Variants in SLC39A12 observed in about 807,000 individuals in gnomAD.
The protein encoded by SLC39A12 is zinc transporter ZIP12.
A neutral mutation model predicts 71.1 loss-of-function variants in SLC39A12; 63 were observed. The observed-to-expected ratio is 0.89, with a 90% CI of 0.72 to 1.09. SLC39A12 has a LOEUF of 1.09. Among genes scored for constraint, SLC39A12 ranks in the 50% least tolerant of loss-of-function variants. The pLI, the probability that SLC39A12 is intolerant of heterozygous loss-of-function variation, is 0.00. For missense variants in SLC39A12, 892 were observed against 812.6 expected (o/e 1.10, Z -1.19); for synonymous variants, 351 against 301.3 (o/e 1.16, Z -1.71).
intron 12 of SLC39A12, among the ~76,000 whole-genome samples, chr10:18,029,358 AG>A (rs1283777650): frequency 1.3e-5 from 2 of 152,218 alleles, no homozygotes; most frequent in Non-Finnish European, 2.9e-5. Flanking sequence ...ACTTGAAAAA[AG>A]AACTCAACAA....
At chr10:18,030,694 G>T (rs1483919903) in intron 12 of SLC39A12, among the ~76,000 whole-genome samples, 3 of 150,260 alleles carry the variant, frequency 2.0e-5, no homozygotes, top group African/African-American at 4.9e-5. Context: ...ACATTGTGCA[G>T]GTTAGTTACA....
intron 12 of SLC39A12, among the ~76,000 whole-genome samples, chr10:18,042,221 A>G (rs1182325693): frequency 2.0e-5 from 3 of 152,110 alleles, no homozygotes; most frequent in Non-Finnish European, 2.9e-5. Context: ...TCACGCCTAT[A>G]AGCCCCAGCA....
At chr10:18,010,027 A>G (rs1411701235) in intron 12 of SLC39A12, among the ~76,000 whole-genome samples, 1 of 152,200 alleles carries the variant, frequency 6.6e-6, no homozygotes, top group Non-Finnish European at 1.5e-5. Flanking sequence ...TCATATAACT[A>G]TAAAATTAAA....
chr10:18,035,881 C>T (rs1455541772), intron 12 of SLC39A12, among the ~76,000 whole-genome samples: 6 of 152,208 alleles, frequency 3.9e-5, no homozygotes, highest in Non-Finnish European at 8.8e-5. Context: ...GGACCCTCAG[C>T]TGCAGGTCTG....
chr10:17,952,879 A>G (rs1351574052), intron 1 of SLC39A12, among the ~76,000 whole-genome samples: 1 of 152,168 alleles, frequency 6.6e-6, no homozygotes, highest in Non-Finnish European at 1.5e-5. Context: ...GTTCTTTATA[A>G]TGGGATAAAC....
intron 4 of SLC39A12, among the ~76,000 whole-genome samples, chr10:17,976,958 A>T (rs1283334361): frequency 2.0e-5 from 3 of 152,082 alleles, no homozygotes; most frequent in Non-Finnish European, 4.4e-5. Context: ...CTCTTGTTAC[A>T]AGTCTGTGAA....
At chr10:17,971,527 G>A (rs1423355293) in intron 4 of SLC39A12, among the ~76,000 whole-genome samples, 2 of 151,828 alleles carry the variant, frequency 1.3e-5, no homozygotes, top group Non-Finnish European at 1.5e-5. Context: ...TTATTGGACT[G>A]TTCAGTTTTT....
chr10:18,011,757 C>T (rs541532979), intron 12 of SLC39A12, among the ~76,000 whole-genome samples: 5 of 152,278 alleles, frequency 3.3e-5, no homozygotes, highest in South Asian at 4.2e-4. Context: ...CTCCTAATTG[C>T]GTGTGACAGT....
At chr10:17,959,426 A>G (rs11011709) in intron 2 of SLC39A12, among the ~76,000 whole-genome samples, 22,035 of 152,106 alleles carry the variant, frequency 0.14, 2,032 homozygotes, top group Middle Eastern at 0.2. Context: ...TTGGAGATGG[A>G]TGACATTTGT....
chr10:17,992,865 G>A lies in SLC39A12; in HGVS notation c.1423-316G>A, dbSNP rs75849625. Among the ~76,000 whole-genome samples the A allele has an allele frequency of 3.0e-3, 450 of 152,296 alleles. 2 individuals carry two copies. The highest frequency in any genetic ancestry group is 0.01 in the African/African-American group (420 of 41,580). On this transcript the variant is annotated intron_variant, in intron 8 of 12. Transcript: ENST00000377369. ...ATACATTTCCAGAGACATTGTTTTA[G>A]TAGTCACAGGGTACAATACAGTTTT...
At chr10:18,017,426 A>G (rs1375275159) in intron 12 of SLC39A12, among the ~76,000 whole-genome samples, 3 of 152,172 alleles carry the variant, frequency 2.0e-5, no homozygotes, top group African/African-American at 7.2e-5. Flanking sequence ...CTCCTGCCTC[A>G]GCCTCCTGAG....
chr10:18,006,451 A>C (rs530509411), intron 12 of SLC39A12, among the ~76,000 whole-genome samples: 1 of 152,346 alleles, frequency 6.6e-6, no homozygotes, highest in South Asian at 2.1e-4. Context: ...TGTTATGAAG[A>C]TCAGTGTCCT....
chr10:18,017,073 G>A (rs1453958309), intron 12 of SLC39A12, among the ~76,000 whole-genome samples: 1 of 151,886 alleles, frequency 6.6e-6, no homozygotes, highest in African/African-American at 2.4e-5. Context: ...CTATGCTCCT[G>A]GATTGCAATC....
intron 7 of SLC39A12, among the ~76,000 whole-genome samples, chr10:17,989,886 G>C (rs1008479511): frequency 1.3e-5 from 2 of 151,970 alleles, no homozygotes; most frequent in African/African-American, 4.8e-5. Context: ...CCACTGCCCT[G>C]GGCAACAGAA....
intron 1 of SLC39A12, among the ~76,000 whole-genome samples, chr10:17,952,755 G>A (rs1834436283): frequency 1.3e-5 from 2 of 152,094 alleles, no homozygotes; most frequent in Admixed American, 1.3e-4. Context: ...CCAAAGTGCT[G>A]GGATTACTGG....
intron 2 of SLC39A12, 92 bp downstream of exon 2, chr10:17,953,629 A>G: frequency 7.0e-7 from 1 of 1,421,684 alleles, no homozygotes; most frequent in Non-Finnish European, 9.5e-7. Flanking sequence ...GCAAAATCAC[A>G]GGCAAATCTT....
intron 6 of SLC39A12, among the ~76,000 whole-genome samples, chr10:17,986,885 GT>G (rs1835412271): frequency 6.6e-6 from 1 of 152,074 alleles, no homozygotes; most frequent in Admixed American, 6.6e-5. Context: ...CCTGCCCGTA[GT>G]CCCAGCTGCT....
intron 6 of SLC39A12, among the ~76,000 whole-genome samples, chr10:17,986,823 C>T (rs1417393625): frequency 6.6e-6 from 1 of 151,970 alleles, no homozygotes; most frequent in East Asian, 1.9e-4. Context: ...CCAGGTAATA[C>T]AGTGAGACCC....
chr10:18,034,462 A>G (rs1836939306), intron 12 of SLC39A12, among the ~76,000 whole-genome samples: 1 of 152,070 alleles, frequency 6.6e-6, no homozygotes, highest in African/African-American at 2.4e-5. Flanking sequence ...AGAGACTAGG[A>G]TTGCAACCCC....
Sources: gnomAD v4.1 joint callset for allele counts (sites outside exome capture counted in the v4.1 genomes callset) on GRCh38, gnomAD v4.1.1 for gene constraint, MANE v1.5 for transcripts, NCBI Gene and HGNC (gene_info 2026-07-23, HGNC 2026-07-21) for gene names.